FAT4: variants seen among roughly 807,000 people sequenced by gnomAD.
FAT4 encodes the protein FAT atypical cadherin 4.
A neutral mutation model predicts 303.9 loss-of-function variants in FAT4; 84 were observed. The observed-to-expected ratio is 0.28, with a 90% CI of 0.23 to 0.33. FAT4 has a LOEUF of 0.33. Among genes scored for constraint, FAT4 ranks in the 10% least tolerant of loss-of-function variants. The probability of loss-of-function intolerance (pLI) is 1.00; values close to 1 mark genes in which losing one functional copy is unlikely to be tolerated. For missense variants in FAT4, 6,005 were observed against 6,146.8 expected (o/e 0.98, Z 0.77); for synonymous variants, 2,307 against 2,298.8 (o/e 1.00, Z -0.10).
chr4:125,320,196 G>A lies in FAT4; in HGVS notation c.3785G>A (p.Ser1262Asn), dbSNP rs764666153. Residue 1262 changes from serine to asparagine, a missense_variant, in exon 2 of 18, where the codon AGT (serine) becomes AAT (asparagine). By Grantham distance (46) the Ser-to-Asn change is conservative (BLOSUM62 1). Transcript: ENST00000394329. ...GNEERQFAIDSTSGQVTLIGK... is the reference protein window; with the variant it reads ...GNEERQFAIDNTSGQVTLIGK... Reference sequence around the variant, plus strand: ...GAAGAAAGACAGTTTGCTATAGACAGTACCTCTGGTCAGGTAACACTAATT... The same window carrying A: ...GAAGAAAGACAGTTTGCTATAGACAATACCTCTGGTCAGGTAACACTAATT... The A allele has an allele frequency of 1.4e-5, 23 of 1,613,212 alleles. No individual in the cohort carries two copies. Among genetic ancestry groups the A allele is most frequent in the Non-Finnish European group, 1.9e-5 (22 of 1,179,292 alleles).
chr4:125,353,592 C>T (rs1732314975), intron 2 of FAT4, among the ~76,000 whole-genome samples: 1 of 151,508 alleles, frequency 6.6e-6, no homozygotes, highest in South Asian at 2.1e-4. Context: ...TAGAGTAAAA[C>T]AGTGCTGTAG....
At chr4:125,488,140 T>C (rs1052231135) in intron 17 of FAT4, among the ~76,000 whole-genome samples, 4 of 152,176 alleles carry the variant, frequency 2.6e-5, no homozygotes, top group African/African-American at 9.7e-5. Context: ...TAAATCTGAA[T>C]GATGAGGAGG....
chr4:125,429,778 A>T (rs1725219616), intron 7 of FAT4, among the ~76,000 whole-genome samples: 1 of 152,234 alleles, frequency 6.6e-6, no homozygotes, highest in Admixed American at 6.5e-5. Flanking sequence ...TCAGTTTTTG[A>T]CACACTAATG....
chr4:125,451,473 G>C lies in FAT4; in HGVS notation c.10463G>C (p.Gly3488Ala). Residue 3488 changes from glycine (G) to alanine (A), a missense_variant, in exon 10 of 18, where the codon GGG becomes GCG. Gly to Ala is a moderately conservative substitution (Grantham distance 60). Coordinates refer to ENST00000394329, the MANE Select transcript of FAT4 (RefSeq NM_001291303.3). ...CTCTCAGTTTTGGCTGTTGATTCAG[G>C]GACCCCCTCAGCTACAGGTAGTGCC... ...YNLSVLAVDS[G>A]TPSATGSASL... is the part of the protein sequence containing the mutation. The C allele has an allele frequency of 2.5e-6, 4 of 1,614,014 alleles. No individual in the cohort carries two copies. The highest frequency in any genetic ancestry group is 3.4e-6 in the Non-Finnish European group (4 of 1,180,002).
At chr4:125,432,432 C>A (rs1325309423) in intron 7 of FAT4, among the ~76,000 whole-genome samples, 1 of 152,212 alleles carries the variant, frequency 6.6e-6, no homozygotes, top group Non-Finnish European at 1.5e-5. Context: ...GCATGCATAT[C>A]TAAGGACTAA....
At position 125,320,480 on chromosome 4, in the gene FAT4, A is replaced by C; in HGVS notation, c.4069A>C (p.Thr1357Pro). ...TGATTTATATTACAGTATTACTGGG[A>C]CTAACAACCACGGAACTTTTAGCAT... Reference protein sequence around the residue: ...NADLYYSITGTNNHGTFSISP... With the variant: ...NADLYYSITGPNNHGTFSISP... Residue 1357 changes from threonine (T) to proline (P), a missense_variant, in exon 2 of 18, where the codon ACT (threonine) becomes CCT (proline). Physicochemically the swap from Thr to Pro is conservative, Grantham distance 38. Coordinates refer to ENST00000394329, the MANE Select transcript of FAT4 (RefSeq NM_001291303.3). The C allele has an allele frequency of 6.2e-7, 1 of 1,614,108 alleles. No homozygotes were observed. Among genetic ancestry groups the C allele is most frequent in the South Asian group, 1.1e-5 (1 of 91,084 alleles).
In FAT4 at chr4:125,476,206, C is replaced by A; in HGVS notation, c.12249C>A (p.Asn4083Lys). 6.2e-7 allele frequency: 1 copy of A among 1,603,236 alleles called. No homozygotes were observed. The highest frequency in any genetic ancestry group is 8.5e-7 in the Non-Finnish European group (1 of 1,172,734). ...ASLTVDSCSE[N>K]QEPGYCTVSN... ...TAACTGTGGACTCCTGTTCTGAGAA[C>A]CAAGAGCCAGGATATTGTACTGTCA... Residue 4083 changes from asparagine to lysine, a missense_variant, in exon 13 of 18, where the codon AAC becomes AAA. By Grantham distance (94) the Asn-to-Lys change is moderately conservative. Coordinates refer to ENST00000394329, the MANE Select transcript of FAT4 (RefSeq NM_001291303.3).
At chr4:125,435,461 C>T (rs991910361) in intron 8 of FAT4, among the ~76,000 whole-genome samples, 10 of 152,122 alleles carry the variant, frequency 6.6e-5, no homozygotes, top group African/African-American at 2.2e-4. Context: ...ACCAGATATA[C>T]GGATATGGTA....
At chr4:125,476,288 T>C in intron 13 of FAT4, 32 bp downstream of exon 13, 1 of 1,288,728 alleles carries the variant, frequency 7.8e-7, no homozygotes, top group South Asian at 1.5e-5. Context: ...ATTTTTATTA[T>C]TACTTAAAAT....
chr4:125,434,515 A>G, intron 8 of FAT4, 90 bp downstream of exon 8: 1 of 1,138,882 alleles, frequency 8.8e-7, no homozygotes, highest in Non-Finnish European at 1.3e-6. Context: ...ATTTAAATGA[A>G]CGTCATATTA....
At chr4:125,374,584 G>A (rs1733244364) in intron 2 of FAT4, among the ~76,000 whole-genome samples, 1 of 152,142 alleles carries the variant, frequency 6.6e-6, no homozygotes, top group Admixed American at 6.6e-5. Context: ...TAATTCACAT[G>A]CCACAAAGTT....
intron 4 of FAT4, among the ~76,000 whole-genome samples, chr4:125,408,233 C>G (rs987851283): frequency 1.3e-5 from 2 of 152,048 alleles, no homozygotes; most frequent in African/African-American, 4.8e-5. Context: ...AACCTGAGGT[C>G]CACTGGATAT....
rs745473389 is a variant in FAT4, at chr4:125,317,122, C to A, written c.711C>A (p.Asn237Lys). The change falls in exon 2 of 18, where the codon AAC becomes AAA. Residue 237 changes from asparagine (N) to lysine (K), a missense_variant. By Grantham distance (94) the Asn-to-Lys change is moderately conservative. Transcript: ENST00000394329. The surrounding 1 kb of genome is among the most constrained non-coding windows in gnomAD (Gnocchi z 7.0). ...AGCGGCGGGGCTACCTTCAGGTAAACGTGACTGTGCAAGACATTAATGACA... is the reference window on the plus strand; with the variant it reads ...AGCGGCGGGGCTACCTTCAGGTAAAAGTGACTGTGCAAGACATTAATGACA... ...EPKRRGYLQV[N>K]VTVQDINDNP... 2.5e-6 allele frequency: 4 copies of A among 1,613,720 alleles called. No homozygotes were observed. The highest frequency in any genetic ancestry group is 2.5e-6 in the Non-Finnish European group (3 of 1,180,022).
chr4:125,478,856 T>G (rs756963386), intron 14 of FAT4, among the ~76,000 whole-genome samples: 5 of 152,096 alleles, frequency 3.3e-5, no homozygotes, highest in Non-Finnish European at 7.4e-5. Flanking sequence ...ATAAGTCAGT[T>G]AACTTTTCAC....
intron 4 of FAT4, among the ~76,000 whole-genome samples, chr4:125,407,403 T>C (rs1734660437): frequency 2.0e-5 from 3 of 152,062 alleles, no homozygotes; most frequent in Admixed American, 2.0e-4. Flanking sequence ...TAATTTTCTG[T>C]CAATCACAGT....
intron 2 of FAT4, among the ~76,000 whole-genome samples, chr4:125,385,025 T>TATATATATATATATATA (rs1491325760): frequency 1.9e-5 from 1 of 52,656 alleles, no homozygotes. Flanking sequence ...TATATATATA[T>TATATATATATATATATA]TTTTTTTTTT....
intron 2 of FAT4, among the ~76,000 whole-genome samples, chr4:125,346,497 C>T (rs1732009573): frequency 6.6e-6 from 1 of 151,708 alleles, no homozygotes; most frequent in Admixed American, 6.6e-5. Flanking sequence ...ACTATTGAAT[C>T]ATAAATTTCT....
chr4:125,363,622 A>C (rs953061943), intron 2 of FAT4, among the ~76,000 whole-genome samples: 6 of 151,874 alleles, frequency 4.0e-5, no homozygotes, highest in Non-Finnish European at 1.5e-5. Flanking sequence ...CAGCCTCCCA[A>C]GTAGCTGGGA....
Position 125,316,744 on chromosome 4 carries a change from T to C in FAT4, c.333T>C (p.Leu111=), listed in dbSNP as rs1192577715. The C allele has an allele frequency of 3.7e-6, 6 of 1,613,810 alleles. No homozygotes were observed. Among genetic ancestry groups the C allele is most frequent in the Non-Finnish European group, 5.1e-6 (6 of 1,179,994 alleles). ...LPSDVINLVV[L]SSAPTYPTEV... The stretch of plus-strand genomic sequence containing the variant: ...GCGACGTGATCAACCTGGTGGTCCT[T>C]TCCAGCGCGCCCACCTACCCCACCG... The change falls in exon 2 of 18, where the codon CTT becomes CTC. Residue 111 remains leucine (L), a synonymous_variant. Transcript: ENST00000394329. The surrounding 1 kb of genome is among the most constrained non-coding windows in gnomAD (Gnocchi z 5.7).
Sources: allele counts gnomAD v4.1 joint callset (sites outside exome capture counted in the v4.1 genomes callset), GRCh38; gene constraint gnomAD v4.1.1; non-coding constraint Gnocchi (gnomAD v3.1); transcripts MANE v1.5; gene names NCBI Gene and HGNC (gene_info 2026-07-23, HGNC 2026-07-21).